TENM4: variants seen among roughly 807,000 people sequenced by gnomAD.
The protein encoded by TENM4 is teneurin-4.
TENM4 carries 82 observed loss-of-function variants against 243.3 expected under a neutral mutation model. The ratio of observed to expected loss-of-function variants is 0.34; its 90% confidence interval spans 0.28 to 0.40. TENM4 has a LOEUF of 0.40. Among genes scored for constraint, TENM4 ranks in the 10% least tolerant of loss-of-function variants. The pLI is 1.00. For missense variants in TENM4, 3,138 were observed against 3,673.3 expected, an observed-to-expected ratio of 0.85 and a Z score of 3.77; for synonymous variants, 1,412 against 1,456.3, an observed-to-expected ratio of 0.97 and a Z score of 0.69.
intron 28 of TENM4, among the ~76,000 whole-genome samples, chr11:78,693,715 C>A (rs887229276): frequency 1.3e-5 from 2 of 152,122 alleles, no homozygotes; most frequent in Non-Finnish European, 2.9e-5. Context: ...AAAGAAAACA[C>A]ATAAAACATT....
At chr11:78,862,826 G>T in intron 10 of TENM4, 136 bp downstream of exon 10, 1 of 912,606 alleles carries the variant, frequency 1.1e-6, no homozygotes, top group Non-Finnish European at 1.5e-6. Flanking sequence ...CAGCTGGCGT[G>T]GAGTGTGGAA....
chr11:79,330,521 C>T (rs1857044992), intron 1 of TENM4, among the ~76,000 whole-genome samples: 1 of 152,176 alleles, frequency 6.6e-6, no homozygotes, highest in Non-Finnish European at 1.5e-5. Context: ...ACAGACAGAA[C>T]TTAATAAAGG....
At chr11:78,993,042 G>T (rs1180270347) in intron 6 of TENM4, among the ~76,000 whole-genome samples, 1 of 152,064 alleles carries the variant, frequency 6.6e-6, no homozygotes, top group Non-Finnish European at 1.5e-5. Context: ...ATTCATTCAG[G>T]TACTTAATTC....
At chr11:78,856,492 A>T (rs1309881792) in intron 10 of TENM4, among the ~76,000 whole-genome samples, 1 of 152,222 alleles carries the variant, frequency 6.6e-6, no homozygotes, top group African/African-American at 2.4e-5. Flanking sequence ...TTTTGATCCT[A>T]AAAATAATCA....
At chr11:78,895,710 C>G (rs1455799313) in intron 7 of TENM4, among the ~76,000 whole-genome samples, 2 of 152,164 alleles carry the variant, frequency 1.3e-5, no homozygotes, top group Admixed American at 6.5e-5. Flanking sequence ...GTGTGGGCAC[C>G]TGATTCACTT....
At chr11:79,328,027 T>C (rs536236367) in intron 1 of TENM4, among the ~76,000 whole-genome samples, 1 of 152,336 alleles carries the variant, frequency 6.6e-6, no homozygotes, top group African/African-American at 2.4e-5. Context: ...GGAGATTATT[T>C]GAAAAGCTTC....
chr11:78,988,659 T>G (rs1857973813), intron 6 of TENM4, among the ~76,000 whole-genome samples: 1 of 152,118 alleles, frequency 6.6e-6, no homozygotes, highest in South Asian at 2.1e-4. Context: ...GTTCCTTGGT[T>G]TTCACAATCC....
At chr11:78,739,888 T>C (rs559158017) in intron 19 of TENM4, among the ~76,000 whole-genome samples, 11 of 152,198 alleles carry the variant, frequency 7.2e-5, no homozygotes, top group East Asian at 3.9e-4. Context: ...CGAAGCTCCA[T>C]AGAAAGCAGG....
chr11:79,384,121 C>A (rs1267259533), intron 1 of TENM4, among the ~76,000 whole-genome samples: 1 of 152,096 alleles, frequency 6.6e-6, no homozygotes, highest in Non-Finnish European at 1.5e-5. Flanking sequence ...TCATTCAGTG[C>A]CACAGCAGTG....
At chr11:79,165,675 G>T (rs1472938068) in intron 3 of TENM4, among the ~76,000 whole-genome samples, 1 of 152,014 alleles carries the variant, frequency 6.6e-6, no homozygotes, top group Non-Finnish European at 1.5e-5. Flanking sequence ...TGTTTTTGTT[G>T]CATTTGCTTT....
intron 32 of TENM4, among the ~76,000 whole-genome samples, chr11:78,665,785 A>G (rs2135652761): frequency 6.6e-6 from 1 of 152,340 alleles, no homozygotes; most frequent in Non-Finnish European, 1.5e-5. Flanking sequence ...GATAGAGTGC[A>G]ATGATGTACA....
Position 78,992,782 on chromosome 11 carries a change from C to T in TENM4, c.493+71956G>A, listed in dbSNP as rs572813785. 5.4e-4 allele frequency among the ~76,000 whole-genome samples: 83 copies of T among 152,298 alleles called. No homozygotes were observed. The South Asian group carries it at 0.015, about 28-fold the overall frequency. On this transcript the variant is annotated intron_variant, in intron 6 of 33. Coordinates refer to ENST00000278550, the MANE Select transcript of TENM4 (RefSeq NM_001098816.3). ...AACCTACAATCTCACTTACTATCTG[C>T]GTGACCGGAGGCAATTTACTTAGCT...
At chr11:79,041,422 C>T (rs1278852454) in intron 6 of TENM4, among the ~76,000 whole-genome samples, 47 of 151,124 alleles carry the variant, frequency 3.1e-4, no homozygotes. Context: ...AGAATACCTA[C>T]CTCACAGGAC....
At chr11:78,831,028 C>A (rs1167715577) in intron 12 of TENM4, among the ~76,000 whole-genome samples, 1 of 152,152 alleles carries the variant, frequency 6.6e-6, no homozygotes, top group South Asian at 2.1e-4. Flanking sequence ...TAACTCTTAC[C>A]CCAGCATTAA....
At chr11:78,985,975 C>G (rs550146990) in intron 6 of TENM4, among the ~76,000 whole-genome samples, 1 of 152,214 alleles carries the variant, frequency 6.6e-6, no homozygotes, top group Non-Finnish European at 1.5e-5. Flanking sequence ...GGAGCCTTTT[C>G]TTCCTTTCAA....
At chr11:78,795,009 G>A (rs1000701566) in intron 15 of TENM4, among the ~76,000 whole-genome samples, 5 of 152,188 alleles carry the variant, frequency 3.3e-5, no homozygotes, top group African/African-American at 1.2e-4. Flanking sequence ...GCTGCCAGAT[G>A]GTGGTCGCTG....
intron 6 of TENM4, among the ~76,000 whole-genome samples, chr11:79,016,239 C>T (rs1161066327): frequency 6.6e-6 from 1 of 152,172 alleles, no homozygotes; most frequent in Non-Finnish European, 1.5e-5. Flanking sequence ...GGTATCCCAG[C>T]AGCTCAGAGG....
intron 28 of TENM4, among the ~76,000 whole-genome samples, chr11:78,689,658 G>C (rs1238825262): frequency 2.6e-5 from 4 of 152,268 alleles, no homozygotes; most frequent in East Asian, 3.9e-4. Flanking sequence ...TATCAGGGGA[G>C]ACTTGGTGGG....
intron 18 of TENM4, among the ~76,000 whole-genome samples, chr11:78,762,797 T>C (rs1204866638): frequency 6.8e-6 from 1 of 147,328 alleles, no homozygotes; most frequent in East Asian, 2.0e-4. Context: ...AAACAGTGCA[T>C]ATGGCTGTTC....
Sources: allele counts gnomAD v4.1 joint callset (sites outside exome capture counted in the v4.1 genomes callset), GRCh38; gene constraint gnomAD v4.1.1; transcripts MANE v1.5; gene names NCBI Gene and HGNC (gene_info 2026-07-23, HGNC 2026-07-21).